KDM2B: variants seen among roughly 807,000 people sequenced by gnomAD.
KDM2B encodes lysine-specific demethylase 2B.
In KDM2B, 26 loss-of-function variants were observed where a neutral mutation model predicts 150.0. The ratio of observed to expected loss-of-function variants is 0.17; its 90% CI spans 0.13 to 0.24. The LOEUF is 0.24. KDM2B is among the 10% of genes least tolerant of loss of function. KDM2B has a pLI of 1.00. For missense variants in KDM2B, 1,265 were observed against 1,816.9 expected, an observed-to-expected ratio of 0.70 and a Z score of 5.52; for synonymous variants, 734 against 729.5, an observed-to-expected ratio of 1.01 and a Z score of -0.10.
At chr12:121,503,038 C>G (rs1411618473) in intron 11 of KDM2B, among the ~76,000 whole-genome samples, 1 of 144,842 alleles carries the variant, frequency 6.9e-6, no homozygotes, top group Non-Finnish European at 1.5e-5. Flanking sequence ...GGTGCAATGG[C>G]GCAATCTCAG....
chr12:121,543,185 G>C (rs1888740351), intron 6 of KDM2B, among the ~76,000 whole-genome samples: 2 of 151,678 alleles, frequency 1.3e-5, no homozygotes, highest in Admixed American at 1.3e-4. Flanking sequence ...CGAAACCCCT[G>C]TCTCTACTAA....
At chr12:121,492,843 A>G (rs1278230413) in intron 12 of KDM2B, among the ~76,000 whole-genome samples, 1 of 151,674 alleles carries the variant, frequency 6.6e-6, no homozygotes, top group African/African-American at 2.4e-5. Flanking sequence ...AAAAAAAGAA[A>G]AAAAAAGAAA....
the KDM2B span, among the ~76,000 whole-genome samples, chr12:121,422,332 A>C: frequency 1.3e-5 from 2 of 152,274 alleles, no homozygotes; most frequent in African/African-American, 2.4e-5. Flanking sequence ...GATTGTTCCC[A>C]TATCCCTGAC....
At chr12:121,463,153 A>G (rs1282114877) in intron 12 of KDM2B, among the ~76,000 whole-genome samples, 2 of 152,096 alleles carry the variant, frequency 1.3e-5, no homozygotes, top group African/African-American at 4.8e-5. Flanking sequence ...CGTCTCTACT[A>G]AAAATACAAA....
rs574244328 is a variant in KDM2B at position 121,491,050 on chromosome 12, G to A, written c.1734+3529C>T. Among the ~76,000 whole-genome samples the A allele has an allele frequency of 7.9e-5, 12 of 152,200 alleles. No individual in the cohort carries two copies. The South Asian group carries it at 1.9e-3, about 24-fold the overall frequency. ...CCCCGGGCAGCCCAGGCAGTCAGTC[G>A]TTTAGTTACTTCTTCCTTTCCTGTT... is the stretch of plus-strand genomic sequence containing the variant. On this transcript the variant is annotated intron_variant, in intron 12 of 22. Coordinates refer to ENST00000377071, the MANE Select transcript of KDM2B (RefSeq NM_032590.5).
intron 12 of KDM2B, among the ~76,000 whole-genome samples, chr12:121,465,086 G>GA (rs1191306622): frequency 1.8e-4 from 27 of 151,034 alleles, no homozygotes; most frequent in Admixed American, 9.9e-4. Flanking sequence ...CACTGAGTGG[G>GA]AAAAAAAAAT....
At chr12:121,487,008 C>T (rs548295316) in intron 12 of KDM2B, among the ~76,000 whole-genome samples, 4 of 151,804 alleles carry the variant, frequency 2.6e-5, no homozygotes, top group East Asian at 1.9e-4. Context: ...GGTGTGGCGG[C>T]GCATGCCTGT....
At chr12:121,486,097 A>C in intron 12 of KDM2B, among the ~76,000 whole-genome samples, 1 of 149,588 alleles carries the variant, frequency 6.7e-6, no homozygotes. Flanking sequence ...ACTTTTATGC[A>C]ACATATATTT....
At chr12:121,449,681 A>C (rs1217894080) in intron 13 of KDM2B, among the ~76,000 whole-genome samples, 1 of 152,168 alleles carries the variant, frequency 6.6e-6, no homozygotes, top group Non-Finnish European at 1.5e-5. Flanking sequence ...CGTTCTAAAA[A>C]CCAACAGTTG....
At chr12:121,570,020 TTG>T (rs1555315675) in intron 4 of KDM2B, among the ~76,000 whole-genome samples, 1 of 151,836 alleles carries the variant, frequency 6.6e-6, no homozygotes, top group African/African-American at 2.4e-5. Flanking sequence ...CAGCTAATTT[TTG>T]TGTTTTGGGT....
At chr12:121,507,730 G>C (rs1341942668) in intron 11 of KDM2B, among the ~76,000 whole-genome samples, 1 of 152,166 alleles carries the variant, frequency 6.6e-6, no homozygotes, top group African/African-American at 2.4e-5. Flanking sequence ...AATAGGCTAG[G>C]CCAGGCACAG....
intron 11 of KDM2B, among the ~76,000 whole-genome samples, chr12:121,502,829 G>A (rs912936018): frequency 6.7e-6 from 1 of 148,960 alleles, no homozygotes; most frequent in African/African-American, 2.5e-5. Flanking sequence ...TGTAGTCCCA[G>A]CTACCTCGAT....
the KDM2B span, among the ~76,000 whole-genome samples, chr12:121,410,502 A>G: frequency 6.6e-6 from 1 of 151,608 alleles, no homozygotes; most frequent in Non-Finnish European, 1.5e-5. Flanking sequence ...GCGCCACTGC[A>G]TTCCATCCTG....
chr12:121,534,255 A>G (rs546473053), intron 7 of KDM2B, among the ~76,000 whole-genome samples: 217 of 151,830 alleles, frequency 1.4e-3, no homozygotes, highest in African/African-American at 4.9e-3. Context: ...AGGCTGAGGC[A>G]GGAGAATGGC....
chr12:121,489,894 C>A (rs1175601791), intron 12 of KDM2B, among the ~76,000 whole-genome samples: 1 of 152,206 alleles, frequency 6.6e-6, no homozygotes, highest in Non-Finnish European at 1.5e-5. Context: ...TTACAGCACA[C>A]GGCCTTCCTG....
At chr12:121,417,905 G>A in the KDM2B span, 12 of 1,613,576 alleles carry the variant, frequency 7.4e-6, no homozygotes, top group East Asian at 2.2e-5. This position sits in a 1 kb window ranked among gnomAD's most constrained non-coding sequence, Gnocchi z 5.0. Context: ...CTGGAGTGCC[G>A]GCACAGGTAC....
the KDM2B span, among the ~76,000 whole-genome samples, chr12:121,410,744 A>C: frequency 6.6e-6 from 1 of 152,106 alleles, no homozygotes; most frequent in African/African-American, 2.4e-5. Context: ...TCATGTTCTC[A>C]TTGGAAGATT....
At chr12:121,413,232 G>GAAC in the KDM2B span, among the ~76,000 whole-genome samples, 13 of 151,022 alleles carry the variant, frequency 8.6e-5, no homozygotes, top group Non-Finnish European at 1.9e-4. Context: ...TCGCCATGTT[G>GAAC]TCCAGGCTGT....
At chr12:121,519,202 G>A (rs1886484171) in intron 9 of KDM2B, among the ~76,000 whole-genome samples, 1 of 152,182 alleles carries the variant, frequency 6.6e-6, no homozygotes, top group Non-Finnish European at 1.5e-5. Flanking sequence ...CCACAATGCC[G>A]GGACTGTTCA....
Sources: allele counts gnomAD v4.1 joint callset (sites outside exome capture counted in the v4.1 genomes callset), GRCh38; gene constraint gnomAD v4.1.1; non-coding constraint Gnocchi (gnomAD v3.1); transcripts MANE v1.5; gene names NCBI Gene and HGNC (gene_info 2026-07-23, HGNC 2026-07-21).